The following GRID2 variants were observed in gnomAD, a reference collection of about 807,000 sequenced individuals.
GRID2 encodes the protein glutamate ionotropic receptor delta type subunit 2.
GRID2 carries 33 observed loss-of-function variants against 114.8 expected under a neutral mutation model. That is an observed-to-expected ratio of 0.29 (90% CI 0.22 to 0.38). GRID2 has a LOEUF of 0.38. Among genes scored for constraint, GRID2 ranks in the 10% least tolerant of loss-of-function variants. The pLI, the probability that GRID2 is intolerant of heterozygous loss-of-function variation, is 1.00. For synonymous variants in GRID2, 505 were observed against 449.9 expected (o/e 1.12, Z -1.55); for missense variants, 1,184 against 1,257.7 (o/e 0.94, Z 0.89).
intron 8 of GRID2, among the ~76,000 whole-genome samples, chr4:93,381,175 A>G (rs1380691647): frequency 1.3e-5 from 2 of 152,076 alleles, no homozygotes; most frequent in African/African-American, 4.8e-5. Context: ...TCTATTTTCA[A>G]AACTCCTTTC....
At chr4:93,492,132 C>T (rs1727068467) in intron 12 of GRID2, among the ~76,000 whole-genome samples, 1 of 151,724 alleles carries the variant, frequency 6.6e-6, no homozygotes, top group East Asian at 1.9e-4. Context: ...CCATAAGCAT[C>T]ATACTTTAAG....
At chr4:92,621,047 G>T (rs1469088134) in intron 2 of GRID2, among the ~76,000 whole-genome samples, 2 of 150,442 alleles carry the variant, frequency 1.3e-5, no homozygotes, top group African/African-American at 4.9e-5. Flanking sequence ...TCAGAGCTGA[G>T]ATTTTTTTCT....
intron 2 of GRID2, among the ~76,000 whole-genome samples, chr4:92,854,002 T>TAA (rs759655412): frequency 1.4e-5 from 2 of 139,892 alleles, no homozygotes. Flanking sequence ...AATTTGAAAT[T>TAA]AAAAAAAAAA....
intron 1 of GRID2, among the ~76,000 whole-genome samples, chr4:92,427,529 T>C (rs1294930199): frequency 6.6e-6 from 1 of 152,196 alleles, no homozygotes; most frequent in African/African-American, 2.4e-5. Context: ...GCTAGTACAA[T>C]GAATGGTCCC....
chr4:92,867,296 A>C (rs1287433932), intron 2 of GRID2, among the ~76,000 whole-genome samples: 1 of 152,180 alleles, frequency 6.6e-6, no homozygotes, highest in Admixed American at 6.5e-5. Flanking sequence ...ACTGAAAAAA[A>C]GTGCTATTGA....
At chr4:92,800,348 C>T (rs111358928) in intron 2 of GRID2, among the ~76,000 whole-genome samples, 5,016 of 151,016 alleles carry the variant, frequency 0.033, 107 homozygotes, top group South Asian at 0.072. Context: ...AAGAAATAAA[C>T]TCAGCAAAGC....
rs9307121 is a variant in GRID2 at position 93,111,751 on chromosome 4, CTTT to C, written c.735+811_735+813del. Among the ~76,000 whole-genome samples, 299 of 131,390 alleles carry C rather than the reference CTTT, an allele frequency of 2.3e-3. 4 individuals are homozygous for C. The highest frequency in any genetic ancestry group is 8.0e-3 in the African/African-American group (291 of 36,272). The allele number at this position is 131,390 out of a possible 152,430, so 86.2% of individuals were successfully genotyped here. On this transcript the variant is annotated intron_variant, in intron 4 of 15. Transcript: ENST00000282020. ...AGGACGGGAATTTATTTGTTTAATA[CTTT>C]TTTTTTTTTTTTGCCTCATTTCACT...
At chr4:93,163,783 G>C (rs1173146992) in intron 4 of GRID2, among the ~76,000 whole-genome samples, 1 of 151,832 alleles carries the variant, frequency 6.6e-6, no homozygotes, top group Non-Finnish European at 1.5e-5. Context: ...ATAAGTTTGG[G>C]CAGAAATAGT....
chr4:92,653,558 G>T (rs1158410477), intron 2 of GRID2, among the ~76,000 whole-genome samples: 1 of 151,820 alleles, frequency 6.6e-6, no homozygotes, highest in Non-Finnish European at 1.5e-5. Context: ...TAGAGAATCT[G>T]TTATTATTGT....
intron 14 of GRID2, among the ~76,000 whole-genome samples, chr4:93,717,982 G>A (rs1729047029): frequency 6.6e-6 from 1 of 152,184 alleles, no homozygotes; most frequent in South Asian, 2.1e-4. Flanking sequence ...TGGGCTGGGT[G>A]CGGTGACTTA....
intron 2 of GRID2, among the ~76,000 whole-genome samples, chr4:92,711,068 C>A (rs960316597): frequency 6.6e-6 from 1 of 151,188 alleles, no homozygotes; most frequent in Non-Finnish European, 1.5e-5. Context: ...AGTGGTAATC[C>A]CACTATTAAA....
chr4:93,060,423 G>A (rs367693509), intron 2 of GRID2, among the ~76,000 whole-genome samples: 1 of 152,092 alleles, frequency 6.6e-6, no homozygotes, highest in East Asian at 1.9e-4. Context: ...ATGCTAATTA[G>A]TATTTCCTTG....
intron 4 of GRID2, among the ~76,000 whole-genome samples, chr4:93,157,806 T>A (rs7661294): frequency 0.35 from 52,261 of 151,472 alleles, 9,728 homozygotes; most frequent in Admixed American, 0.52. Context: ...TGTGGCATCA[T>A]AAAGGCTGTA....
At chr4:92,853,557 G>A (rs922851449) in intron 2 of GRID2, among the ~76,000 whole-genome samples, 1 of 151,796 alleles carries the variant, frequency 6.6e-6, no homozygotes, top group African/African-American at 2.4e-5. Context: ...AAAGACACAT[G>A]ACTTCCTTTT....
At chr4:93,097,950 A>T (rs1296150543) in intron 3 of GRID2, among the ~76,000 whole-genome samples, 1 of 151,974 alleles carries the variant, frequency 6.6e-6, no homozygotes, top group Admixed American at 6.6e-5. Context: ...TGTCTACTGC[A>T]TAAGCACCAC....
At chr4:93,286,688 T>G (rs62307781) in intron 8 of GRID2, among the ~76,000 whole-genome samples, 7 of 145,298 alleles carry the variant, frequency 4.8e-5, no homozygotes, top group South Asian at 2.1e-4. Context: ...TGTGTGTGTG[T>G]GTGGGGGTGT....
intron 1 of GRID2, among the ~76,000 whole-genome samples, chr4:92,515,463 T>G (rs1015011844): frequency 6.6e-6 from 1 of 151,950 alleles, no homozygotes; most frequent in African/African-American, 2.4e-5. Context: ...TTTTTTCACT[T>G]GTTAATTTAT....
intron 1 of GRID2, among the ~76,000 whole-genome samples, chr4:92,495,464 G>A (rs911036622): frequency 6.6e-6 from 1 of 151,950 alleles, no homozygotes; most frequent in African/African-American, 2.4e-5. Context: ...AGGCAGAGAT[G>A]CTGATAATTT....
At chr4:93,419,277 T>C (rs1290579161) in intron 9 of GRID2, among the ~76,000 whole-genome samples, 1 of 151,956 alleles carries the variant, frequency 6.6e-6, no homozygotes, top group Non-Finnish European at 1.5e-5. Context: ...TTGAGTGTAG[T>C]ACCTTGATGC....
Sources: allele counts gnomAD v4.1 joint callset (sites outside exome capture counted in the v4.1 genomes callset), GRCh38; gene constraint gnomAD v4.1.1; transcripts MANE v1.5; gene names NCBI Gene and HGNC (gene_info 2026-07-23, HGNC 2026-07-21).